Variants in TENM3 observed in about 807,000 individuals in gnomAD.
TENM3 encodes the protein teneurin-3.
In TENM3, 63 loss-of-function variants were observed where a neutral mutation model predicts 255.1. The ratio of observed to expected loss-of-function variants is 0.25; its 90% confidence interval spans 0.20 to 0.30. The LOEUF (loss-of-function observed/expected upper bound fraction) is 0.30, where lower values mean the gene tolerates loss of function less well. Among genes scored for constraint, TENM3 ranks in the 10% least tolerant of loss-of-function variants. The pLI is 1.00. For missense variants in TENM3, 2,929 were observed against 3,461.1 expected, an observed-to-expected ratio of 0.85 and a Z score of 3.86; for synonymous variants, 1,306 against 1,322.3, an observed-to-expected ratio of 0.99 and a Z score of 0.27.
intron 3 of TENM3, among the ~76,000 whole-genome samples, chr4:182,514,113 C>T (rs951703232): frequency 6.6e-6 from 1 of 152,232 alleles, no homozygotes; most frequent in Non-Finnish European, 1.5e-5. Flanking sequence ...GAGTAACAAG[C>T]TGTATTGTCA....
At chr4:182,516,752 G>T (rs184742921) in intron 3 of TENM3, among the ~76,000 whole-genome samples, 1 of 152,058 alleles carries the variant, frequency 6.6e-6, no homozygotes, top group Non-Finnish European at 1.5e-5. Context: ...TTAGCTGGGC[G>T]TGATGGCACA....
the TENM3 span, among the ~76,000 whole-genome samples, chr4:181,939,101 T>G: frequency 6.6e-6 from 1 of 152,214 alleles, no homozygotes; most frequent in East Asian, 1.9e-4. Flanking sequence ...AAGATAATAA[T>G]TATAACAGTA....
intron 1 of TENM3, among the ~76,000 whole-genome samples, chr4:182,230,824 A>G (rs1487138323): frequency 4.8e-5 from 4 of 83,336 alleles, no homozygotes; most frequent in Non-Finnish European, 8.5e-5. Context: ...ATATATATAT[A>G]TATATATATA....
the TENM3 span, among the ~76,000 whole-genome samples, chr4:181,462,292 A>AAT: frequency 2.6e-5 from 4 of 152,050 alleles, no homozygotes; most frequent in Admixed American, 2.6e-4. Flanking sequence ...GATCCAGGGG[A>AAT]TGGGACCCAT....
chr4:181,691,912 A>G, the TENM3 span, among the ~76,000 whole-genome samples: 1 of 152,150 alleles, frequency 6.6e-6, no homozygotes, highest in Non-Finnish European at 1.5e-5. Flanking sequence ...AACGCTGTGG[A>G]TATAATTATT....
the TENM3 span, among the ~76,000 whole-genome samples, chr4:181,502,512 G>A: frequency 6.6e-6 from 1 of 152,210 alleles, no homozygotes; most frequent in South Asian, 2.1e-4. Flanking sequence ...TTCCTTGTGG[G>A]AACCTGAGAA....
At chr4:182,231,192 C>T (rs1756552380) in intron 1 of TENM3, among the ~76,000 whole-genome samples, 1 of 152,072 alleles carries the variant, frequency 6.6e-6, no homozygotes, top group Admixed American at 6.6e-5. Context: ...CCTCCATCCT[C>T]TTTCTTTGTT....
the TENM3 span, among the ~76,000 whole-genome samples, chr4:182,100,842 C>CATATATATATATATAT: frequency 2.7e-4 from 2 of 7,420 alleles, no homozygotes; most frequent in African/African-American, 2.9e-3. Context: ...TATATATACT[C>CATATATATATATATAT]ATATATATAT....
the TENM3 span, among the ~76,000 whole-genome samples, chr4:181,889,994 C>T: frequency 2.0e-5 from 3 of 152,166 alleles, no homozygotes; most frequent in Non-Finnish European, 4.4e-5. Flanking sequence ...CTCAGCCTTG[C>T]TAATCAAGAG....
At chr4:182,675,496 C>T (rs1293731243) in intron 7 of TENM3, among the ~76,000 whole-genome samples, 1 of 150,868 alleles carries the variant, frequency 6.6e-6, no homozygotes, top group Non-Finnish European at 1.5e-5. Flanking sequence ...AGTGAGAGAT[C>T]GTGACATTGC....
At chr4:182,693,020 T>C (rs1011433688) in intron 12 of TENM3, among the ~76,000 whole-genome samples, 1 of 152,216 alleles carries the variant, frequency 6.6e-6, no homozygotes, top group African/African-American at 2.4e-5. Context: ...GTTCTCTTTT[T>C]ATCTCTATGT....
At chr4:182,334,967 C>T (rs747503557) in intron 2 of TENM3, among the ~76,000 whole-genome samples, 2 of 151,998 alleles carry the variant, frequency 1.3e-5, no homozygotes, top group South Asian at 2.1e-4. Context: ...CTAGCCAGGG[C>T]GTAAAGATAT....
intron 22 of TENM3, among the ~76,000 whole-genome samples, chr4:182,769,867 G>A (rs1027278992): frequency 2.0e-5 from 3 of 152,128 alleles, no homozygotes; most frequent in Non-Finnish European, 4.4e-5. Context: ...CACTTTAGGA[G>A]GCCGAGGCAG....
the TENM3 span, among the ~76,000 whole-genome samples, chr4:181,928,529 C>A: frequency 1.8e-4 from 27 of 151,752 alleles, no homozygotes; most frequent in African/African-American, 6.5e-4. Context: ...TATGGGACTA[C>A]GTGAAAAGAC....
the TENM3 span, among the ~76,000 whole-genome samples, chr4:181,683,631 G>T: frequency 6.6e-6 from 1 of 152,162 alleles, no homozygotes; most frequent in South Asian, 2.1e-4. Context: ...CGACTTCATC[G>T]AAAGATGAGA....
chr4:181,603,622 A>T, the TENM3 span, among the ~76,000 whole-genome samples: 5 of 152,228 alleles, frequency 3.3e-5, no homozygotes, highest in African/African-American at 1.2e-4. Context: ...AAATATAGAA[A>T]TAATGAAATA....
At chr4:181,881,315 G>A in the TENM3 span, among the ~76,000 whole-genome samples, 2 of 151,952 alleles carry the variant, frequency 1.3e-5, no homozygotes, top group African/African-American at 4.8e-5. Flanking sequence ...GCACCAATAA[G>A]AAGAAAGAGA....
chr4:182,443,286 G>A (rs1236833977), intron 3 of TENM3, among the ~76,000 whole-genome samples: 1 of 152,080 alleles, frequency 6.6e-6, no homozygotes, highest in Non-Finnish European at 1.5e-5. Flanking sequence ...GTGGGCCTAG[G>A]AATTAGTGTG....
rs1764393527 is a variant in TENM3 at position 182,773,088 on chromosome 4, A to G, written c.4893-384A>G. Among the ~76,000 whole-genome samples, 3 of 152,236 alleles carry G rather than the reference A, an allele frequency of 2.0e-5. No homozygotes were observed. The South Asian group carries it at 6.2e-4, about 32-fold the overall frequency. The stretch of plus-strand genomic sequence containing the variant: ...TGCCACCGAGGGAGTAAGTCAGTAA[A>G]TCTTTAAGAACTGATGTAACAGTGA... On this transcript the variant is annotated intron_variant, in intron 22 of 27. Coordinates refer to ENST00000511685, the MANE Select transcript of TENM3 (RefSeq NM_001080477.4).
Sources: allele counts gnomAD v4.1 joint callset (sites outside exome capture counted in the v4.1 genomes callset), GRCh38; gene constraint gnomAD v4.1.1; transcripts MANE v1.5; gene names NCBI Gene and HGNC (gene_info 2026-07-23, HGNC 2026-07-21).